The following PARD6G variants were observed in gnomAD, a reference collection of about 807,000 sequenced individuals.
PARD6G encodes partitioning defective 6 homolog gamma.
A neutral mutation model predicts 10.7 loss-of-function variants in PARD6G; 7 were observed. The ratio of observed to expected loss-of-function variants is 0.66; its 90% CI spans 0.37 to 1.23. PARD6G has a LOEUF of 1.23. Among genes scored for constraint, PARD6G ranks in the 50% most tolerant of loss-of-function variants. PARD6G has a pLI of 0.02. For missense variants in PARD6G, 548 were observed against 571.8 expected (o/e 0.96, Z 0.42); for synonymous variants, 287 against 269.4 (o/e 1.07, Z -0.64).
chr18:80,225,939 C>T (rs1421083074), intron 1 of PARD6G, among the ~76,000 whole-genome samples: 1 of 152,108 alleles, frequency 6.6e-6, no homozygotes, highest in Non-Finnish European at 1.5e-5. Flanking sequence ...CTGCACATCA[C>T]CCCACCACAA....
At chr18:80,235,526 G>A (rs912561060) in intron 1 of PARD6G, among the ~76,000 whole-genome samples, 9 of 152,116 alleles carry the variant, frequency 5.9e-5, no homozygotes, top group Non-Finnish European at 1.0e-4. Context: ...AACTGAAGGA[G>A]ATAGAGACAC....
chr18:80,228,341 G>A lies in PARD6G; in HGVS notation c.72+18936C>T, dbSNP rs1036992326. ...AGGGGAGGGGAGTTCCCGGACACAC[G>A]GTCCTGGAGAACACAGGCCACATGC... On this transcript the variant is annotated intron_variant, in intron 1 of 2. Transcript: ENST00000353265. This position sits in a 1 kb window ranked among gnomAD's most constrained non-coding sequence, Gnocchi z 4.6. Among the ~76,000 whole-genome samples, 9 of 152,066 alleles carry A rather than the reference G, an allele frequency of 5.9e-5. No homozygotes were observed. Among genetic ancestry groups the A allele is most frequent in the Non-Finnish European group, 7.4e-5 (5 of 67,990 alleles).
At position 80,183,085 on chromosome 18, in the gene PARD6G, G is replaced by A; in HGVS notation, c.295+19625C>T. 1 of 702,892 alleles carries A rather than the reference G, an allele frequency of 1.4e-6. No individual in the cohort carries two copies. The highest frequency in any genetic ancestry group is 2.6e-6 in the Non-Finnish European group (1 of 384,994). The allele number at this position is 702,892 out of a possible 1,614,324, so 43.5% of individuals were successfully genotyped here. On this transcript the variant is annotated intron_variant, in intron 2 of 2. Coordinates refer to ENST00000353265, the MANE Select transcript of PARD6G (RefSeq NM_032510.4). This position sits in a 1 kb window ranked among gnomAD's most constrained non-coding sequence, Gnocchi z 4.5. ...GGCATGCCGACAACAGGGGCACAGA[G>A]AAGTCCCCCTTTCAAACCAAGATTT...
At chr18:80,199,484 C>T (rs1368947560) in intron 2 of PARD6G, among the ~76,000 whole-genome samples, 1 of 152,152 alleles carries the variant, frequency 6.6e-6, no homozygotes, top group Non-Finnish European at 1.5e-5. Flanking sequence ...AATAATGTTA[C>T]TATGAACATT....
At chr18:80,190,088 G>T (rs552089221) in intron 2 of PARD6G, among the ~76,000 whole-genome samples, 1 of 152,046 alleles carries the variant, frequency 6.6e-6, no homozygotes, top group Non-Finnish European at 1.5e-5. Flanking sequence ...GGGTCTATTC[G>T]TACAACTTAC....
Position 80,180,671 on chromosome 18 carries a change from C to T in PARD6G, c.296-20065G>A, listed in dbSNP as rs2145262719. Among the ~76,000 whole-genome samples, 1 of 152,294 alleles carries T rather than the reference C, an allele frequency of 6.6e-6. No homozygotes were observed. The highest frequency in any genetic ancestry group is 2.1e-4 in the South Asian group (1 of 4,828). ...AAGTGAGCCTGACCCCCAGTTCCTG[C>T]CAGTGAGCTTGGCAGAGGCACCACA... On this transcript the variant is annotated intron_variant, in intron 2 of 2. Coordinates refer to ENST00000353265, the MANE Select transcript of PARD6G (RefSeq NM_032510.4). This position sits in a 1 kb window ranked among gnomAD's most constrained non-coding sequence, Gnocchi z 5.6.
At chr18:80,237,987 C>T (rs1967443956) in intron 1 of PARD6G, among the ~76,000 whole-genome samples, 1 of 152,018 alleles carries the variant, frequency 6.6e-6, no homozygotes, top group Non-Finnish European at 1.5e-5. Flanking sequence ...CCCAGCCATC[C>T]CATTACTGGG....
intron 1 of PARD6G, among the ~76,000 whole-genome samples, chr18:80,236,804 A>T (rs1599877936): frequency 2.0e-5 from 3 of 152,304 alleles, no homozygotes; most frequent in South Asian, 4.1e-4. Flanking sequence ...ATGTGAAGGA[A>T]CTTTTTCAAG....
At chr18:80,198,970 T>C (rs929456527) in intron 2 of PARD6G, among the ~76,000 whole-genome samples, 7 of 152,198 alleles carry the variant, frequency 4.6e-5, no homozygotes, top group Non-Finnish European at 8.8e-5. Flanking sequence ...AAATCTCTAG[T>C]TCTAGAACAT....
rs750886359 is a variant in PARD6G at position 80,160,303 on chromosome 18, G to C, written c.599C>G (p.Pro200Arg). Reference sequence around the variant, plus strand: ...CCCGGTGCTCTCCGCCAGGCCCCCGGGTACCATGCGCGAGATGAAGATGCC... The same window carrying C: ...CCCGGTGCTCTCCGCCAGGCCCCCGCGTACCATGCGCGAGATGAAGATGCC... ...VPGIFISRMV[P>R]GGLAESTGLL... Residue 200 changes from proline (P) to arginine (R), a missense_variant, in exon 3 of 3, where the codon CCC (proline) becomes CGC (arginine). Pro to Arg is a moderately radical substitution (Grantham distance 103, BLOSUM62 -2). Transcript: ENST00000353265. The C allele has an allele frequency of 1.2e-6, 2 of 1,612,276 alleles. No homozygotes were observed. The highest frequency in any genetic ancestry group is 1.1e-5 in the South Asian group (1 of 91,090).
chr18:80,238,178 C>A (rs1229803178), intron 1 of PARD6G, among the ~76,000 whole-genome samples: 1 of 152,126 alleles, frequency 6.6e-6, no homozygotes, highest in African/African-American at 2.4e-5. Flanking sequence ...ATGATGAGTT[C>A]GTGTCCTTTG....
chr18:80,168,575 G>C (rs1484086066), intron 2 of PARD6G, among the ~76,000 whole-genome samples: 2 of 66,840 alleles, frequency 3.0e-5, no homozygotes, highest in African/African-American at 9.1e-5. Context: ...AATTATGTTT[G>C]TGTGTGTGTG....
At chr18:80,217,405 T>C (rs577703546) in intron 1 of PARD6G, among the ~76,000 whole-genome samples, 1 of 152,208 alleles carries the variant, frequency 6.6e-6, no homozygotes, top group South Asian at 2.1e-4. Flanking sequence ...ATGTGTTCAT[T>C]CCAAAACCTA....
chr18:80,231,269 G>A lies in PARD6G; in HGVS notation c.72+16008C>T, dbSNP rs1447923571. Among the ~76,000 whole-genome samples, 1 of 152,228 alleles carries A rather than the reference G, an allele frequency of 6.6e-6. No homozygotes were observed. Among genetic ancestry groups the A allele is most frequent in the African/African-American group, 2.4e-5 (1 of 41,454 alleles). On this transcript the variant is annotated intron_variant, in intron 1 of 2. Transcript: ENST00000353265. The surrounding 1 kb of genome is among the most constrained non-coding windows in gnomAD (Gnocchi z 4.2). ...TGGCCTGGGCCCAAGTGTGTGAGGC[G>A]TGAGCACAGGCTGCGCATCTGTCCC...
At position 80,202,757 on chromosome 18, in the gene PARD6G, G is replaced by A. The variant is rs748641152; in HGVS notation, c.248C>T (p.Ala83Val). 2.5e-6 allele frequency: 4 copies of A among 1,613,808 alleles called. No individual in the cohort carries two copies. The highest frequency in any genetic ancestry group is 3.4e-6 in the Non-Finnish European group (4 of 1,180,004). The change falls in exon 2 of 3, where the codon GCG becomes GTG. Residue 83 changes from alanine (A) to valine (V), a missense_variant. Physicochemically the swap from Ala to Val is moderately conservative, Grantham distance 64 (BLOSUM62 0). This residue lies in a region of PARD6G where 235 missense variants were observed against 291.9 expected (regional missense o/e 0.81). Coordinates refer to ENST00000353265, the MANE Select transcript of PARD6G (RefSeq NM_032510.4). ...PINNDDNFCK[A>V]VSSANPLLRV... ...GAGCAGGGGATTTGCACTAGAAACC[G>A]CCTTGCAGAAGTTGTCATCATTGTT...
rs117569542 is a variant in PARD6G, at chr18:80,244,030, C to G, written c.72+3247G>C. Reference sequence around the variant, plus strand: ...ACGTAGGTAAAGGCGTTGCTAAGTTCGTAGTGGCACCGTGTTGCTTGCTGT... The same window carrying G: ...ACGTAGGTAAAGGCGTTGCTAAGTTGGTAGTGGCACCGTGTTGCTTGCTGT... On this transcript the variant is annotated intron_variant, in intron 1 of 2. Coordinates refer to ENST00000353265, the MANE Select transcript of PARD6G (RefSeq NM_032510.4). Among the ~76,000 whole-genome samples, 901 of 152,232 alleles carry G rather than the reference C, an allele frequency of 5.9e-3. 7 individuals are homozygous for G. Among genetic ancestry groups the G allele is most frequent in the Non-Finnish European group, 9.5e-3 (649 of 68,018 alleles).
Position 80,192,050 on chromosome 18 carries a change from C to CT in PARD6G, c.295+10659dup, listed in dbSNP as rs888812135. Among the ~76,000 whole-genome samples the CT allele has an allele frequency of 2.0e-4, 30 of 152,278 alleles. No homozygotes were observed. Among genetic ancestry groups the CT allele is most frequent in the African/African-American group, 6.7e-4 (28 of 41,548 alleles). On this transcript the variant is annotated intron_variant, in intron 2 of 2. Transcript: ENST00000353265. This position sits in a 1 kb window ranked among gnomAD's most constrained non-coding sequence, Gnocchi z 4.9. ...TGATTCTGAACATCAAAAACGTGTA[C>CT]TTTCATGTTTTCAATGTACAAGAAG...
intron 1 of PARD6G, among the ~76,000 whole-genome samples, chr18:80,216,093 G>A (rs769877095): frequency 3.3e-5 from 5 of 152,058 alleles, no homozygotes; most frequent in African/African-American, 4.8e-5. Context: ...ATGTGACAAC[G>A]GAGCTCCAAA....
In PARD6G at chr18:80,161,128, G is replaced by A. The variant is rs1433071868; in HGVS notation, c.296-522C>T. Among the ~76,000 whole-genome samples the A allele has an allele frequency of 6.6e-6, 1 of 152,190 alleles. No individual in the cohort carries two copies. The highest frequency in any genetic ancestry group is 1.5e-5 in the Non-Finnish European group (1 of 68,038). On this transcript the variant is annotated intron_variant, in intron 2 of 2. Coordinates refer to ENST00000353265, the MANE Select transcript of PARD6G (RefSeq NM_032510.4). The surrounding 1 kb of genome is among the most constrained non-coding windows in gnomAD (Gnocchi z 4.6). ...TAGCCAGCATTCAAGGCCCCTGAAT[G>A]TGTCACTCAGTCGGGCGTGTGAGCA...
Sources: allele counts gnomAD v4.1 joint callset (sites outside exome capture counted in the v4.1 genomes callset), GRCh38; gene constraint gnomAD v4.1.1; regional missense constraint gnomAD v4.1.1; non-coding constraint Gnocchi (gnomAD v3.1); transcripts MANE v1.5; gene names NCBI Gene and HGNC (gene_info 2026-07-23, HGNC 2026-07-21).